The following TNFRSF6B variants were observed in gnomAD, a reference collection of about 807,000 sequenced individuals.
The protein encoded by TNFRSF6B is TNF receptor superfamily member 6b, also known as tumor necrosis factor receptor superfamily member 6B.
TNFRSF6B carries 23 observed loss-of-function variants against 17.9 expected under a neutral mutation model. That is an observed-to-expected ratio of 1.28 (90% CI 0.92 to 1.82). The LOEUF (loss-of-function observed/expected upper bound fraction) is 1.82. Ranked by LOEUF, TNFRSF6B falls within the 40% of genes most tolerant of loss-of-function variation. The pLI, the probability that TNFRSF6B is intolerant of heterozygous loss-of-function variation, is 0.00. For synonymous variants in TNFRSF6B, 291 were observed against 195.8 expected, an observed-to-expected ratio of 1.49 and a Z score of -4.06; for missense variants, 555 against 437.2, an observed-to-expected ratio of 1.27 and a Z score of -2.40.
rs1190841262 is a variant in TNFRSF6B, at chr20:63,696,876, C to T, written c.109C>T (p.Pro37Ser). ...CGGAGTGGCAGAAACACCCACCTAC[C>T]CCTGGCGGGACGCAGAGACAGGGGA... ...VRGVAETPTYPWRDAETGERL... is the reference protein window; with the variant it reads ...VRGVAETPTYSWRDAETGERL... The change falls in exon 1 of 3, where the codon CCC (proline) becomes TCC (serine). Residue 37 changes from proline to serine, a missense_variant. Pro to Ser is a moderately conservative substitution (Grantham distance 74, BLOSUM62 -1). Transcript: ENST00000369996. The T allele has an allele frequency of 2.5e-6, 4 of 1,611,860 alleles. No homozygotes were observed. Among genetic ancestry groups the T allele is most frequent in the Middle Eastern group, 1.7e-4 (1 of 6,056 alleles).
At position 63,698,564 on chromosome 20, in the gene TNFRSF6B, T is replaced by C. The variant is rs764442080; in HGVS notation, c.*1T>C. On this transcript the variant is annotated 3_prime_UTR_variant, in exon 3 of 3. Transcript: ENST00000369996. ...TGAGCGCTTCCTCCCTGTGCACTGATCCTGGCCCCCTCTTATTTATTCTAC... is the reference window on the plus strand; with the variant it reads ...TGAGCGCTTCCTCCCTGTGCACTGACCCTGGCCCCCTCTTATTTATTCTAC... 4 of 1,489,912 alleles carry C rather than the reference T, an allele frequency of 2.7e-6. No individual in the cohort carries two copies. The highest frequency in any genetic ancestry group is 3.6e-6 in the Non-Finnish European group (4 of 1,126,278). 92.3% of individuals were successfully genotyped at this position (1,489,912 alleles called of 1,614,324 possible).
chr20:63,696,789 G>C lies in TNFRSF6B; in HGVS notation c.22G>C (p.Gly8Arg), dbSNP rs748736551. ...GACCATGAGGGCGCTGGAGGGGCCA[G>C]GCCTGTCGCTGCTGTGCCTGGTGTT... MRALEGP[G>R]LSLLCLVLAL... Residue 8 changes from glycine to arginine, a missense_variant, in exon 1 of 3, where the codon GGC (glycine) becomes CGC (arginine). Physicochemically the swap from Gly to Arg is moderately radical, Grantham distance 125. Coordinates refer to ENST00000369996, the MANE Select transcript of TNFRSF6B (RefSeq NM_003823.4). 3 of 1,602,676 alleles carry C rather than the reference G, an allele frequency of 1.9e-6. No homozygotes were observed. In the Admixed American group the frequency reaches 5.1e-5, roughly 27 times the overall value.
rs541921716 is a variant in TNFRSF6B at position 63,698,668 on chromosome 20, A to T, written c.*105A>T. 1.0e-5 allele frequency: 13 copies of T among 1,293,390 alleles called. No individual in the cohort carries two copies. In the African/African-American group the frequency reaches 1.3e-4, roughly 13 times the overall value. The allele number at this position is 1,293,390 out of a possible 1,614,324, so 80.1% of individuals were successfully genotyped here. A position where few individuals can be genotyped will look rare whatever the true frequency, so the allele number is the denominator to read the frequency against. ...GAGGTTTCTTAAAGCTTATTTTTAT[A>T]AAGCTTTTTCATAAAACTGGTTGTA... On this transcript the variant is annotated 3_prime_UTR_variant, in exon 3 of 3. Transcript: ENST00000369996.
rs377757549 is a variant in TNFRSF6B, at chr20:63,698,565, C to T, written c.*2C>T. ...GAGCGCTTCCTCCCTGTGCACTGAT[C>T]CTGGCCCCCTCTTATTTATTCTACA... On this transcript the variant is annotated 3_prime_UTR_variant, in exon 3 of 3. Coordinates refer to ENST00000369996, the MANE Select transcript of TNFRSF6B (RefSeq NM_003823.4). 2.7e-6 allele frequency: 4 copies of T among 1,488,360 alleles called. No homozygotes were observed. In the South Asian group the frequency reaches 4.0e-5, roughly 15 times the overall value. The allele number at this position is 1,488,360 out of a possible 1,614,324, so 92.2% of individuals were successfully genotyped here.
chr20:63,697,613 A>C (rs1404668067), intron 2 of TNFRSF6B, 91 bp downstream of exon 2: 2 of 1,350,144 alleles, frequency 1.5e-6, no homozygotes, highest in East Asian at 5.2e-5. Flanking sequence ...AGCCTGAGGC[A>C]TGCCAGCTGG....
In TNFRSF6B at chr20:63,697,216, C is replaced by T. The variant is rs982160679; in HGVS notation, c.424+25C>T. 1.7e-5 allele frequency: 27 copies of T among 1,550,810 alleles called. No individual in the cohort carries two copies. The Admixed American group carries it at 3.3e-4, about 19-fold the overall frequency. ...GGTGAGAGCTGGGCGAGGGGAGGGGCCCCCAGGAGTGGTGGCCGGAGGTGT... is the reference window on the plus strand; with the variant it reads ...GGTGAGAGCTGGGCGAGGGGAGGGGTCCCCAGGAGTGGTGGCCGGAGGTGT... On this transcript the variant is annotated intron_variant, in intron 1 of 2. Transcript: ENST00000369996.
rs866513427 is a variant in TNFRSF6B, at chr20:63,697,189, C to G, written c.422C>G (p.Pro141Arg). Residue 141 changes from proline to arginine, a missense_variant and splice_region_variant, in exon 1 of 3, where the codon CCG becomes CGG. By Grantham distance (103) the Pro-to-Arg change is moderately radical. Transcript: ENST00000369996. The stretch of plus-strand genomic sequence containing the variant: ...CCACCTGGTGCCGGCGTGATTGCCC[C>G]GGGTGAGAGCTGGGCGAGGGGAGGG... ...SCPPGAGVIAPGTPSQNTQCQ... is the reference protein window; with the variant it reads ...SCPPGAGVIARGTPSQNTQCQ... The G allele has an allele frequency of 2.6e-6, 4 of 1,557,620 alleles. No homozygotes were observed. The highest frequency in any genetic ancestry group is 3.5e-6 in the Non-Finnish European group (4 of 1,150,214).
chr20:63,697,601 C>CT, intron 2 of TNFRSF6B, 79 bp downstream of exon 2: 2 of 1,408,828 alleles, frequency 1.4e-6, no homozygotes, highest in Non-Finnish European at 1.9e-6. Flanking sequence ...GCACGTGCAT[C>CT]TAGCCTGAGG....
Position 63,697,014 on chromosome 20 carries a change from A to T in TNFRSF6B, c.247A>T (p.Asn83Tyr). ...ACCGCGCCACTACACGCAGTTCTGG[A>T]ACTACCTAGAGCGCTGCCGCTACTG... Reference protein sequence around the residue: ...CPPRHYTQFWNYLERCRYCNV... With the variant: ...CPPRHYTQFWYYLERCRYCNV... Residue 83 changes from asparagine to tyrosine, a missense_variant, in exon 1 of 3, where the codon AAC becomes TAC. Physicochemically the swap from Asn to Tyr is moderately radical, Grantham distance 143. Coordinates refer to ENST00000369996, the MANE Select transcript of TNFRSF6B (RefSeq NM_003823.4). 1 of 1,608,594 alleles carries T rather than the reference A, an allele frequency of 6.2e-7. No homozygotes were observed. The highest frequency in any genetic ancestry group is 8.5e-7 in the Non-Finnish European group (1 of 1,179,558).
intron 2 of TNFRSF6B, 92 bp from the exon 3 acceptor site, chr20:63,698,188 C>T (rs1601210741): frequency 1.3e-6 from 2 of 1,501,120 alleles, no homozygotes; most frequent in Non-Finnish European, 1.8e-6. Flanking sequence ...TGCAAACCCC[C>T]CGAGTGGGGC....
chr20:63,698,652 T>TA lies in TNFRSF6B; in HGVS notation c.*92dup. The TA allele has an allele frequency of 7.5e-7, 1 of 1,330,928 alleles. No individual in the cohort carries two copies. Among genetic ancestry groups the TA allele is most frequent in the South Asian group, 1.9e-5 (1 of 53,656 alleles). The allele number at this position is 1,330,928 out of a possible 1,614,324, so 82.4% of individuals were successfully genotyped here. A position where few individuals can be genotyped will look rare whatever the true frequency, so the allele number is the denominator to read the frequency against. On this transcript the variant is annotated 3_prime_UTR_variant, in exon 3 of 3. Transcript: ENST00000369996. The stretch of plus-strand genomic sequence containing the variant: ...TTTAAATAGAAGAAATGAGGTTTCT[T>TA]AAAGCTTATTTTTATAAAGCTTTTT...
chr20:63,697,135 C>T lies in TNFRSF6B; in HGVS notation c.368C>T (p.Ala123Val). The T allele has an allele frequency of 3.2e-6, 5 of 1,586,640 alleles. No individual in the cohort carries two copies. In the African/African-American group the frequency reaches 4.0e-5, roughly 13 times the overall value. The stretch of plus-strand genomic sequence containing the variant: ...TGCCGCACCGGCTTCTTCGCGCACG[C>T]TGGTTTCTGCTTGGAGCACGCATCG... ...CRCRTGFFAH[A>V]GFCLEHASCP... is the part of the protein sequence containing the mutation. The change falls in exon 1 of 3, where the codon GCT becomes GTT. Residue 123 changes from alanine to valine, a missense_variant. Ala to Val is a moderately conservative substitution (Grantham distance 64). Transcript: ENST00000369996.
At chr20:63,697,923 C>G (rs2091018649) in intron 2 of TNFRSF6B, among the ~76,000 whole-genome samples, 1 of 152,196 alleles carries the variant, frequency 6.6e-6, no homozygotes, top group Non-Finnish European at 1.5e-5. Flanking sequence ...TGAGAAGTCA[C>G]AGGGGGAAGT....
rs1375849919 is a variant in TNFRSF6B, at chr20:63,698,638, G to A, written c.*75G>A. 8 of 1,373,134 alleles carry A rather than the reference G, an allele frequency of 5.8e-6. No individual in the cohort carries two copies. The Admixed American group carries it at 1.3e-4, about 23-fold the overall frequency. 85.1% of individuals were successfully genotyped at this position (1,373,134 alleles called of 1,614,324 possible). On this transcript the variant is annotated 3_prime_UTR_variant, in exon 3 of 3. Coordinates refer to ENST00000369996, the MANE Select transcript of TNFRSF6B (RefSeq NM_003823.4). Reference sequence around the variant, plus strand: ...GAAAGAGGCTTTTTTTTAAATAGAAGAAATGAGGTTTCTTAAAGCTTATTT... The same window carrying A: ...GAAAGAGGCTTTTTTTTAAATAGAAAAAATGAGGTTTCTTAAAGCTTATTT...
rs767090761 is a variant in TNFRSF6B at position 63,698,433 on chromosome 20, G to C, written c.773G>C (p.Arg258Pro). The C allele has an allele frequency of 5.1e-6, 8 of 1,575,196 alleles. No individual in the cohort carries two copies. The highest frequency in any genetic ancestry group is 5.2e-6 in the Non-Finnish European group (6 of 1,164,514). ...CGCGCGGCCTTGCAGCTGAAGCTGC[G>C]TCGGCGGCTCACGGAGCTCCTGGGG... Reference protein sequence around the residue: ...AGRAALQLKLRRRLTELLGAQ... With the variant: ...AGRAALQLKLPRRLTELLGAQ... Residue 258 changes from arginine to proline, a missense_variant, in exon 3 of 3, where the codon CGT (arginine) becomes CCT (proline). By Grantham distance (103) the Arg-to-Pro change is moderately radical. Transcript: ENST00000369996.
In TNFRSF6B at chr20:63,697,088, C is replaced by T. The variant is rs1198694042; in HGVS notation, c.321C>T (p.Ala107=). ...EREEEARACH[A]THNRACRCRT... ...AGGAGGAGGCACGGGCTTGCCACGC[C>T]ACCCACAACCGTGCCTGCCGCTGCC... The change falls in exon 1 of 3, where the codon GCC becomes GCT. Residue 107 remains alanine, a synonymous_variant. Coordinates refer to ENST00000369996, the MANE Select transcript of TNFRSF6B (RefSeq NM_003823.4). The T allele has an allele frequency of 6.2e-7, 1 of 1,601,794 alleles. No homozygotes were observed. The highest frequency in any genetic ancestry group is 1.7e-5 in the Admixed American group (1 of 59,138).
In TNFRSF6B at chr20:63,697,326, A is replaced by G; in HGVS notation, c.425-2A>G. On this transcript the variant is annotated splice_acceptor_variant, in intron 1 of 2. Transcript: ENST00000369996. LOFTEE classifies it high-confidence loss of function. ...GACCCTGTTCTTCCCTCCTGGCTGC[A>G]GGCACCCCCAGCCAGAACACGCAGT... The G allele has an allele frequency of 6.2e-7, 1 of 1,603,360 alleles. No individual in the cohort carries two copies. The highest frequency in any genetic ancestry group is 2.3e-5 in the East Asian group (1 of 43,660).
Position 63,697,512 on chromosome 20 carries a change from C to T in TNFRSF6B, c.609C>T (p.Thr203=). 6.5e-7 allele frequency: 1 copy of T among 1,547,360 alleles called. No homozygotes were observed. Among genetic ancestry groups the T allele is most frequent in the Non-Finnish European group, 8.7e-7 (1 of 1,143,570 alleles). Residue 203 remains threonine, a synonymous_variant, in exon 2 of 3, where the codon ACC becomes ACT. Coordinates refer to ENST00000369996, the MANE Select transcript of TNFRSF6B (RefSeq NM_003823.4). ...CTSCTGFPLS[T]RVPGAEECER... Reference sequence around the variant, plus strand: ...GCTGCACTGGCTTCCCCCTCAGCACCAGGGTACCAGGTGAGCCAGAGGCCT... The same window carrying T: ...GCTGCACTGGCTTCCCCCTCAGCACTAGGGTACCAGGTGAGCCAGAGGCCT...
At position 63,698,380 on chromosome 20, in the gene TNFRSF6B, G is replaced by T; in HGVS notation, c.720G>T (p.Glu240Asp). The stretch of plus-strand genomic sequence containing the variant: ...TGCTGCAGGCCCTCGAGGCCCCGGA[G>T]GGCTGGGGTCCGACACCAAGGGCGG... ...QRLLQALEAP[E>D]GWGPTPRAGR... is the part of the protein sequence containing the mutation. Residue 240 changes from glutamate to aspartate, a missense_variant, in exon 3 of 3, where the codon GAG becomes GAT. Transcript: ENST00000369996. 1 of 1,607,016 alleles carries T rather than the reference G, an allele frequency of 6.2e-7. No individual in the cohort carries two copies. The highest frequency in any genetic ancestry group is 2.2e-5 in the East Asian group (1 of 44,486).
Sources: gnomAD v4.1 joint callset for allele counts (sites outside exome capture counted in the v4.1 genomes callset) on GRCh38, gnomAD v4.1.1 for gene constraint, MANE v1.5 for transcripts, NCBI Gene and HGNC (gene_info 2026-07-23, HGNC 2026-07-21) for gene names.